ZFAT: variants seen among roughly 807,000 people sequenced by gnomAD.
ZFAT encodes the protein zinc finger and AT-hook domain containing.
A neutral mutation model predicts 117.7 loss-of-function variants in ZFAT; 64 were observed. That is an observed-to-expected ratio of 0.54 (90% CI 0.44 to 0.67). The LOEUF (loss-of-function observed/expected upper bound fraction) is 0.67, where lower values mean the gene tolerates loss of function less well. ZFAT is among the 30% of genes least tolerant of loss of function. The pLI, the probability that ZFAT is intolerant of heterozygous loss-of-function variation, is 0.00. For synonymous variants in ZFAT, 679 were observed against 615.0 expected, an observed-to-expected ratio of 1.10 and a Z score of -1.54; for missense variants, 1,433 against 1,584.5, an observed-to-expected ratio of 0.90 and a Z score of 1.62.
At chr8:134,819,118 C>A in the ZFAT span, among the ~76,000 whole-genome samples, 2 of 151,810 alleles carry the variant, frequency 1.3e-5, no homozygotes, top group African/African-American at 2.4e-5. Flanking sequence ...GTGTTAAGGA[C>A]AATAAAAAGA....
the ZFAT span, among the ~76,000 whole-genome samples, chr8:134,819,512 C>T: frequency 2.5e-5 from 3 of 122,042 alleles, no homozygotes; most frequent in African/African-American, 3.0e-5. Flanking sequence ...CCCCCCCGCC[C>T]CCCAACACAC....
intron 1 of ZFAT, among the ~76,000 whole-genome samples, chr8:134,664,668 C>G (rs1324003226): frequency 6.6e-6 from 1 of 152,218 alleles, no homozygotes; most frequent in African/African-American, 2.4e-5. Context: ...GCTGCATCCC[C>G]CAAATATTAA....
At chr8:134,801,207 A>G in the ZFAT span, among the ~76,000 whole-genome samples, 1 of 152,014 alleles carries the variant, frequency 6.6e-6, no homozygotes. Flanking sequence ...CAGAATTCAG[A>G]TAATTTCATC....
chr8:134,729,260 C>A, the ZFAT span, among the ~76,000 whole-genome samples: 1 of 152,248 alleles, frequency 6.6e-6, no homozygotes, highest in African/African-American at 2.4e-5. Flanking sequence ...CATTCCCAGG[C>A]TCCTCTGTAA....
At chr8:134,764,369 G>A in the ZFAT span, among the ~76,000 whole-genome samples, 1 of 152,350 alleles carries the variant, frequency 6.6e-6, no homozygotes, top group South Asian at 2.1e-4. Context: ...AAGTTAAATT[G>A]CTTGTAGTTC....
intron 10 of ZFAT, among the ~76,000 whole-genome samples, chr8:134,566,260 C>T (rs928604072): frequency 2.6e-5 from 4 of 151,794 alleles, no homozygotes; most frequent in African/African-American, 7.3e-5. Flanking sequence ...CAGGCGCAGT[C>T]GCGGGTGCCT....
At chr8:134,565,500 AG>A in intron 10 of ZFAT, 79 bp from the exon 11 acceptor site, 1 of 1,289,224 alleles carries the variant, frequency 7.8e-7, no homozygotes. Flanking sequence ...GCATGGAGCC[AG>A]GTACACAAAG....
chr8:134,801,997 A>G, the ZFAT span, among the ~76,000 whole-genome samples: 1 of 152,234 alleles, frequency 6.6e-6, no homozygotes, highest in Non-Finnish European at 1.5e-5. Flanking sequence ...TGCAGGGCCC[A>G]GCAATCTGTG....
chr8:134,550,321 A>AAAAAAAAAAAC (rs1823050047), intron 11 of ZFAT, among the ~76,000 whole-genome samples: 1 of 151,052 alleles, frequency 6.6e-6, no homozygotes, highest in African/African-American at 2.4e-5. Flanking sequence ...AAAAAAAAAA[A>AAAAAAAAAAAC]AAAAAAAAAA....
intron 1 of ZFAT, among the ~76,000 whole-genome samples, chr8:134,690,164 G>A (rs1405220117): frequency 6.6e-6 from 1 of 152,162 alleles, no homozygotes; most frequent in Admixed American, 6.5e-5. Flanking sequence ...ACTTTTCCCT[G>A]CAGACGAGAG....
In ZFAT at chr8:134,614,511, G is replaced by A. The variant is rs147416783; in HGVS notation, c.449-3856C>T. 6.9e-4 allele frequency among the ~76,000 whole-genome samples: 105 copies of A among 152,268 alleles called. 1 individual carries two copies. The highest frequency in any genetic ancestry group is 1.0e-3 in the Non-Finnish European group (68 of 68,030). On this transcript the variant is annotated intron_variant, in intron 3 of 15. Coordinates refer to ENST00000377838, the MANE Select transcript of ZFAT (RefSeq NM_020863.4). ...ACACACACAGAGCACCGAACCAACG[G>A]TTGGACTTTCCCACACTGCTTACAA...
At chr8:134,491,342 C>A (rs1163318243) in intron 15 of ZFAT, among the ~76,000 whole-genome samples, 1 of 152,260 alleles carries the variant, frequency 6.6e-6, no homozygotes, top group Non-Finnish European at 1.5e-5. Flanking sequence ...GTGCTTGTGG[C>A]TGGTGCACCC....
At chr8:134,589,030 T>C (rs1036674422) in intron 8 of ZFAT, among the ~76,000 whole-genome samples, 4 of 152,186 alleles carry the variant, frequency 2.6e-5, no homozygotes, top group African/African-American at 7.2e-5. Context: ...GGTAGATACA[T>C]GAAAAAGAGT....
chr8:134,549,301 C>T (rs183351746), intron 11 of ZFAT, among the ~76,000 whole-genome samples: 6 of 151,986 alleles, frequency 3.9e-5, no homozygotes, highest in African/African-American at 9.7e-5. Context: ...ATTAGCCAGG[C>T]GTGGGGGCAG....
chr8:134,793,371 A>G, the ZFAT span: 1 of 152,242 alleles, frequency 6.6e-6, no homozygotes, highest in African/African-American at 2.4e-5. Flanking sequence ...TTAAGACTTG[A>G]CACTGGAACT....
intron 1 of ZFAT, among the ~76,000 whole-genome samples, chr8:134,672,621 GA>G (rs1563750763): frequency 1.3e-5 from 2 of 151,930 alleles, no homozygotes; most frequent in Non-Finnish European, 2.9e-5. Flanking sequence ...TAAAGACAAA[GA>G]AAAAATGTAA....
chr8:134,648,524 T>C (rs191301038), intron 2 of ZFAT, among the ~76,000 whole-genome samples: 1 of 152,024 alleles, frequency 6.6e-6, no homozygotes, highest in Non-Finnish European at 1.5e-5. Context: ...TTAGAGAATA[T>C]TAAGAACAAT....
intron 2 of ZFAT, among the ~76,000 whole-genome samples, chr8:134,652,858 T>C (rs1831328424): frequency 6.6e-6 from 1 of 152,216 alleles, no homozygotes; most frequent in Non-Finnish European, 1.5e-5. Context: ...GAGAGCATTC[T>C]GATAAAACCT....
intron 7 of ZFAT, 199 bp downstream of exon 7, chr8:134,600,237 T>C: frequency 1.6e-6 from 1 of 624,506 alleles, no homozygotes; most frequent in East Asian, 2.6e-5. Flanking sequence ...CCATCTAATC[T>C]CTTTTTTCAA....
Sources: gnomAD v4.1 joint callset for allele counts (sites outside exome capture counted in the v4.1 genomes callset) on GRCh38, gnomAD v4.1.1 for gene constraint, MANE v1.5 for transcripts, NCBI Gene and HGNC (gene_info 2026-07-23, HGNC 2026-07-21) for gene names.